Variants in BCAS3 observed in about 807,000 individuals in gnomAD.
The protein encoded by BCAS3 is BCAS3 microtubule associated cell migration factor.
Under a neutral mutation model 116.1 loss-of-function variants are expected in BCAS3, and 53 were observed. The observed-to-expected ratio is 0.46, with a 90% CI of 0.37 to 0.57. The LOEUF (loss-of-function observed/expected upper bound fraction) is 0.57, where lower values mean the gene tolerates loss of function less well. Among genes scored for constraint, BCAS3 ranks in the 20% least tolerant of loss-of-function variants. The pLI is 0.00. For missense variants in BCAS3, 917 were observed against 1,165.4 expected, an observed-to-expected ratio of 0.79 and a Z score of 3.10; for synonymous variants, 391 against 408.2, an observed-to-expected ratio of 0.96 and a Z score of 0.51.
chr17:60,795,528 A>T (rs2047137627), intron 6 of BCAS3, among the ~76,000 whole-genome samples: 1 of 152,124 alleles, frequency 6.6e-6, no homozygotes, highest in Admixed American at 6.5e-5. Flanking sequence ...ACTTTTCCCC[A>T]TTCAGTATTA....
intron 6 of BCAS3, among the ~76,000 whole-genome samples, chr17:60,770,834 G>GTTTTTTTTTTTTT (rs60854011): frequency 1.3e-5 from 1 of 76,726 alleles, no homozygotes; most frequent in Non-Finnish European, 3.3e-5. Context: ...ACTGAAATTT[G>GTTTTTTTTTTTTT]TTTTTTTTTT....
chr17:60,727,568 G>A, intron 5 of BCAS3: 2 of 1,030,570 alleles, frequency 1.9e-6, no homozygotes, highest in Non-Finnish European at 2.7e-6. Flanking sequence ...CGCCTGACAG[G>A]AAAGGAAAAA....
intron 19 of BCAS3, among the ~76,000 whole-genome samples, chr17:61,062,235 C>A (rs12325784): frequency 2.0e-5 from 3 of 151,892 alleles, no homozygotes; most frequent in Non-Finnish European, 2.9e-5. Flanking sequence ...CAAAAAATAT[C>A]CAGTGGAAAA....
intron 3 of BCAS3, among the ~76,000 whole-genome samples, chr17:60,687,536 G>A (rs951466373): frequency 3.9e-5 from 6 of 152,150 alleles, no homozygotes; most frequent in Admixed American, 3.3e-4. Flanking sequence ...CCCAGGAGGC[G>A]GAGGTTGCAG....
At chr17:60,843,320 G>T (rs908030823) in intron 7 of BCAS3, among the ~76,000 whole-genome samples, 1 of 151,234 alleles carries the variant, frequency 6.6e-6, no homozygotes, top group Admixed American at 6.6e-5. Context: ...GTGTTCAAGC[G>T]ATTCTTCTGC....
chr17:60,698,114 G>A (rs2035862046), intron 4 of BCAS3, among the ~76,000 whole-genome samples: 1 of 148,348 alleles, frequency 6.7e-6, no homozygotes, highest in Admixed American at 6.8e-5. Context: ...GGGAGGCAGA[G>A]CTTGCAGTGA....
rs942511061 is a variant in BCAS3 at position 61,363,445 on chromosome 17, T to G, written c.2426-4882T>G. Among the ~76,000 whole-genome samples, 9 of 152,122 alleles carry G rather than the reference T, an allele frequency of 5.9e-5. No individual in the cohort carries two copies. The highest frequency in any genetic ancestry group is 1.9e-4 in the African/African-American group (8 of 41,438). On this transcript the variant is annotated intron_variant, in intron 22 of 23. Transcript: ENST00000407086. The surrounding 1 kb of genome is among the most constrained non-coding windows in gnomAD (Gnocchi z 4.9). ...CCAGGAGATAGCCTGCGAAGACTGT[T>G]GCACTTACAACCAGATGCCTCATGT... is the stretch of plus-strand genomic sequence containing the variant.
intron 15 of BCAS3, among the ~76,000 whole-genome samples, chr17:60,996,366 G>A (rs750048454): frequency 6.6e-6 from 1 of 152,110 alleles, no homozygotes; most frequent in Non-Finnish European, 1.5e-5. Flanking sequence ...AGAAGTCATT[G>A]GATTCTTGAT....
At chr17:60,928,129 A>G (rs932219863) in intron 13 of BCAS3, among the ~76,000 whole-genome samples, 19 of 152,176 alleles carry the variant, frequency 1.2e-4, no homozygotes, top group Non-Finnish European at 2.5e-4. Flanking sequence ...AATTCACTTA[A>G]TAAGAGATAG....
intron 2 of BCAS3, among the ~76,000 whole-genome samples, chr17:60,681,524 A>G (rs1165132252): frequency 1.3e-5 from 2 of 150,172 alleles, no homozygotes; most frequent in South Asian, 4.2e-4. Flanking sequence ...AAATAAATAG[A>G]TATATTTTAT....
chr17:61,157,089 TAA>T (rs2077888445), intron 22 of BCAS3, among the ~76,000 whole-genome samples: 1 of 152,188 alleles, frequency 6.6e-6, no homozygotes, highest in South Asian at 2.1e-4. Context: ...TGGGATGGAT[TAA>T]TTTTAACTTT....
intron 7 of BCAS3, among the ~76,000 whole-genome samples, chr17:60,830,743 T>C (rs1599009056): frequency 1.3e-5 from 2 of 152,108 alleles, no homozygotes; most frequent in African/African-American, 2.4e-5. Context: ...GAAGTTTTGT[T>C]TTATGTCCAT....
intron 22 of BCAS3, among the ~76,000 whole-genome samples, chr17:61,269,978 T>G (rs1425740334): frequency 1.3e-5 from 2 of 151,652 alleles, no homozygotes; most frequent in Admixed American, 1.3e-4. Context: ...TAAATTTTTG[T>G]ATTTTTGGTA....
intron 14 of BCAS3, among the ~76,000 whole-genome samples, chr17:60,977,303 C>T (rs2062466911): frequency 6.6e-6 from 1 of 152,134 alleles, no homozygotes; most frequent in African/African-American, 2.4e-5. Context: ...CCTCAGCCTC[C>T]CAAGTGATTG....
intron 14 of BCAS3, among the ~76,000 whole-genome samples, chr17:60,975,458 C>A (rs974219123): frequency 5.3e-5 from 8 of 152,188 alleles, no homozygotes; most frequent in Non-Finnish European, 8.8e-5. Context: ...AAAGAAACCA[C>A]AAACTATAAA....
intron 5 of BCAS3, among the ~76,000 whole-genome samples, chr17:60,735,350 A>G (rs2040852048): frequency 6.6e-6 from 1 of 152,058 alleles, no homozygotes; most frequent in Non-Finnish European, 1.5e-5. Flanking sequence ...CATGTTAAAA[A>G]ACCTGGTGAG....
intron 14 of BCAS3, among the ~76,000 whole-genome samples, chr17:60,948,891 C>G (rs1255445255): frequency 6.7e-6 from 1 of 149,860 alleles, no homozygotes; most frequent in African/African-American, 2.5e-5. Context: ...TTTTTTTTTC[C>G]CTCAAGATGA....
chr17:61,014,247 GC>G (rs936671832), intron 15 of BCAS3, among the ~76,000 whole-genome samples: 1 of 151,990 alleles, frequency 6.6e-6, no homozygotes, highest in African/African-American at 2.4e-5. Context: ...TGGATTACAG[GC>G]ACTGGCTTAT....
intron 1 of BCAS3, among the ~76,000 whole-genome samples, chr17:60,678,985 A>G (rs2032512429): frequency 6.6e-6 from 1 of 152,168 alleles, no homozygotes; most frequent in Admixed American, 6.5e-5. Flanking sequence ...GCACTTTGGG[A>G]GGCTAAGGCG....
Sources: allele counts gnomAD v4.1 joint callset (sites outside exome capture counted in the v4.1 genomes callset), GRCh38; gene constraint gnomAD v4.1.1; non-coding constraint Gnocchi (gnomAD v3.1); transcripts MANE v1.5; gene names NCBI Gene and HGNC (gene_info 2026-07-23, HGNC 2026-07-21).